SERPINI2: variants seen among roughly 807,000 people sequenced by gnomAD.
The protein encoded by SERPINI2 is serpin family I member 2, also known as serpin I2.
A neutral mutation model predicts 47.3 loss-of-function variants in SERPINI2; 48 were observed. The ratio of observed to expected loss-of-function variants is 1.02; its 90% CI spans 0.81 to 1.29. SERPINI2 has a LOEUF of 1.29. SERPINI2 is among the 50% of genes most tolerant of loss of function. SERPINI2 has a pLI of 0.00. For missense variants in SERPINI2, 448 were observed against 456.9 expected, an observed-to-expected ratio of 0.98 and a Z score of 0.18; for synonymous variants, 135 against 149.3, an observed-to-expected ratio of 0.90 and a Z score of 0.70.
intron 8 of SERPINI2, 74 bp from the exon 9 acceptor site, chr3:167,442,259 T>C: frequency 9.1e-7 from 1 of 1,100,842 alleles, no homozygotes; most frequent in Non-Finnish European, 1.3e-6. Flanking sequence ...TAGTTTTTCT[T>C]AATATTTAAC....
chr3:167,449,484 T>A (rs1048722610), intron 6 of SERPINI2, 82 bp from the exon 7 acceptor site: 2 of 527,398 alleles, frequency 3.8e-6, no homozygotes, highest in Non-Finnish European at 6.0e-6. Flanking sequence ...TTAATTACAT[T>A]TATTTATTTA....
chr3:167,450,189 T>C (rs1047566211), intron 6 of SERPINI2, among the ~76,000 whole-genome samples: 5 of 152,274 alleles, frequency 3.3e-5, no homozygotes, highest in African/African-American at 9.6e-5. Flanking sequence ...TATGAAATTC[T>C]AAGGAACTTC....
chr3:167,452,375 C>T (rs1054682872), intron 6 of SERPINI2, among the ~76,000 whole-genome samples: 5 of 152,062 alleles, frequency 3.3e-5, no homozygotes, highest in African/African-American at 1.2e-4. Context: ...AACGTGTTAA[C>T]CATGCAGGAT....
rs763577270 is a variant in SERPINI2, at chr3:167,442,191, G to GAA, written c.1142-8_1142-7dup. The GAA allele has an allele frequency of 3.8e-5, 57 of 1,503,328 alleles. No homozygotes were observed. The African/African-American group carries it at 4.5e-4, about 12-fold the overall frequency. The allele number at this position is 1,503,328 out of a possible 1,614,324, so 93.1% of individuals were successfully genotyped here. On this transcript the variant is annotated splice_region_variant and splice_polypyrimidine_tract_variant and intron_variant, in intron 8 of 8. Coordinates refer to ENST00000264677, the Ensembl canonical transcript of SERPINI2. ...TCCCATAAACAGAATTGATTCTAGG[G>GAA]AAAAAAAAACAAAAAAATATACTTT...
chr3:167,456,257 G>A (rs1367231552), intron 5 of SERPINI2, among the ~76,000 whole-genome samples: 3 of 151,388 alleles, frequency 2.0e-5, no homozygotes, highest in African/African-American at 7.3e-5. Context: ...TGAAACATCT[G>A]GATAATGTTT....
chr3:167,450,778 A>C (rs556307914), intron 6 of SERPINI2, among the ~76,000 whole-genome samples: 1 of 152,248 alleles, frequency 6.6e-6, no homozygotes, highest in East Asian at 1.9e-4. Flanking sequence ...AAGACCAAAA[A>C]GCAGGTTAGG....
chr3:167,456,879 C>T (rs1749809166), intron 5 of SERPINI2, among the ~76,000 whole-genome samples: 1 of 152,096 alleles, frequency 6.6e-6, no homozygotes, highest in South Asian at 2.1e-4. Context: ...TAATATTGAG[C>T]ACTAAAAATT....
chr3:167,461,654 A>T (rs2108165429), intron 5 of SERPINI2, among the ~76,000 whole-genome samples: 1 of 151,332 alleles, frequency 6.6e-6, no homozygotes, highest in Admixed American at 6.6e-5. Flanking sequence ...TTTGCTGCCC[A>T]GGCTGGAGTG....
intron 6 of SERPINI2, among the ~76,000 whole-genome samples, chr3:167,451,475 G>A (rs1207132587): frequency 6.6e-6 from 1 of 152,148 alleles, no homozygotes; most frequent in African/African-American, 2.4e-5. Context: ...AATTTACTGT[G>A]CTCCTAGCTA....
At chr3:167,458,840 A>T (rs192445239) in intron 5 of SERPINI2, among the ~76,000 whole-genome samples, 22 of 152,318 alleles carry the variant, frequency 1.4e-4, no homozygotes, top group African/African-American at 5.1e-4. Context: ...TATCTGTGAA[A>T]TGGGAGAATA....
At chr3:167,466,082 C>G (rs570952135) in intron 3 of SERPINI2, among the ~76,000 whole-genome samples, 1 of 152,288 alleles carries the variant, frequency 6.6e-6, no homozygotes, top group South Asian at 2.1e-4. Context: ...ACTTGCCATT[C>G]TGACAGCTGT....
intron 5 of SERPINI2, among the ~76,000 whole-genome samples, chr3:167,463,681 A>C (rs1750049618): frequency 6.6e-6 from 1 of 152,222 alleles, no homozygotes; most frequent in Non-Finnish European, 1.5e-5. Flanking sequence ...CAAAGAAGGT[A>C]AAGAAAGAGA....
intron 8 of SERPINI2, among the ~76,000 whole-genome samples, chr3:167,443,606 C>T (rs1307433222): frequency 1.3e-5 from 2 of 152,002 alleles, no homozygotes; most frequent in Non-Finnish European, 1.5e-5. Context: ...ATATTAATGC[C>T]ATAATGCTAT....
At chr3:167,471,636 C>T (rs1465996460) in exon 2 of SERPINI2, 4 of 1,613,478 alleles carry the variant, frequency 2.5e-6, no homozygotes, top group Non-Finnish European at 3.4e-6. Context: ...TGCTGCTGTG[C>T]TTTTCCTTTG....
At position 167,467,134 on chromosome 3, in the gene SERPINI2, A is replaced by C. The variant is rs749848530; in HGVS notation, c.399T>G (p.Ser133Arg). ...CTTGAAAATCCACCAGTTTTATAGC[A>C]CTCTGAAAAAATTCCTTGTTGCCAT... is the stretch of plus-strand genomic sequence containing the variant. The change falls in exon 3 of 9, where the codon AGT (serine) becomes AGG (arginine). Residue 133 changes from serine (S) to arginine (R), a missense_variant. Transcript: ENST00000264677. 6 of 1,613,390 alleles carry C rather than the reference A, an allele frequency of 3.7e-6. No individual in the cohort carries two copies. The South Asian group carries it at 6.6e-5, about 18-fold the overall frequency.
At chr3:167,443,220 G>C (rs1164885878) in intron 8 of SERPINI2, among the ~76,000 whole-genome samples, 1 of 152,160 alleles carries the variant, frequency 6.6e-6, no homozygotes, top group Non-Finnish European at 1.5e-5. Context: ...CCATTCTCCT[G>C]CCTCAGCCTC....
At chr3:167,457,881 A>C (rs538088887) in intron 5 of SERPINI2, among the ~76,000 whole-genome samples, 1 of 152,342 alleles carries the variant, frequency 6.6e-6, no homozygotes, top group Admixed American at 6.5e-5. Flanking sequence ...ACTTAATTTT[A>C]AGGACAAATA....
rs199570690 is a variant in SERPINI2, at chr3:167,461,787, A to AT, written c.866+3418dup. ...CACCGTGTCCAACTAATGTTTTTTT[A>AT]TTTTTTTTATTTTCTAAAGACAGGG... On this transcript the variant is annotated intron_variant, in intron 5 of 8. Coordinates refer to ENST00000264677, the Ensembl canonical transcript of SERPINI2. Among the ~76,000 whole-genome samples, 1,079 of 151,526 alleles carry AT rather than the reference A, an allele frequency of 7.1e-3. 9 individuals are homozygous for AT. The highest frequency in any genetic ancestry group is 0.025 in the African/African-American group (1,034 of 41,300).
chr3:167,448,585 C>T (rs776641186), intron 7 of SERPINI2, among the ~76,000 whole-genome samples: 11 of 152,016 alleles, frequency 7.2e-5, no homozygotes, highest in Admixed American at 2.0e-4. Flanking sequence ...TGCAGTTGCG[C>T]GATCTAGGCT....
Sources: gnomAD v4.1 joint callset for allele counts (sites outside exome capture counted in the v4.1 genomes callset) on GRCh38, gnomAD v4.1.1 for gene constraint, MANE v1.5 for transcripts, NCBI Gene and HGNC (gene_info 2026-07-23, HGNC 2026-07-21) for gene names.